GRID2: variants seen among roughly 807,000 people sequenced by gnomAD.
GRID2 encodes the protein glutamate ionotropic receptor delta type subunit 2, also known as glutamate receptor ionotropic, delta-2.
GRID2 carries 33 observed loss-of-function variants against 114.8 expected under a neutral mutation model. The ratio of observed to expected loss-of-function variants is 0.29; its 90% CI spans 0.22 to 0.38. The LOEUF is 0.38. Ranked by LOEUF, GRID2 falls within the 10% of genes least tolerant of loss-of-function variation. The pLI, the probability that GRID2 is intolerant of heterozygous loss-of-function variation, is 1.00. For synonymous variants in GRID2, 505 were observed against 449.9 expected (o/e 1.12, Z -1.55); for missense variants, 1,184 against 1,257.7 (o/e 0.94, Z 0.89).
intron 1 of GRID2, among the ~76,000 whole-genome samples, chr4:92,308,345 A>G (rs1579154551): frequency 6.6e-6 from 1 of 152,312 alleles, no homozygotes; most frequent in East Asian, 1.9e-4. Flanking sequence ...CATCTCTACA[A>G]GGGAACACTC....
rs542793043 is a variant in GRID2 at position 92,723,173 on chromosome 4, T to A, written c.244+132887T>A. ...AGGAAAGCTTAGTGGACAACCACATTGTTGTAATTATTTTAGAAACATGGC... is the reference window on the plus strand; with the variant it reads ...AGGAAAGCTTAGTGGACAACCACATAGTTGTAATTATTTTAGAAACATGGC... On this transcript the variant is annotated intron_variant, in intron 2 of 15. Transcript: ENST00000282020. 2.6e-5 allele frequency among the ~76,000 whole-genome samples: 4 copies of A among 152,242 alleles called. No homozygotes were observed. The South Asian group carries it at 8.3e-4, about 32-fold the overall frequency.
intron 1 of GRID2, among the ~76,000 whole-genome samples, chr4:92,479,847 A>C (rs181621648): frequency 1.5e-4 from 23 of 152,248 alleles, no homozygotes; most frequent in Non-Finnish European, 2.6e-4. Flanking sequence ...TGGACTTTGG[A>C]GAAAATAGAG....
At chr4:93,651,892 A>G (rs984665511) in intron 14 of GRID2, among the ~76,000 whole-genome samples, 1 of 152,140 alleles carries the variant, frequency 6.6e-6, no homozygotes, top group South Asian at 2.1e-4. Context: ...TGCTCTCTAG[A>G]AGGAAAGGTG....
At chr4:93,574,883 TAA>T (rs1560769211) in intron 13 of GRID2, among the ~76,000 whole-genome samples, 1 of 152,212 alleles carries the variant, frequency 6.6e-6, no homozygotes, top group Admixed American at 6.5e-5. Context: ...CTCAACTCTA[TAA>T]AGTCTAGGAT....
At chr4:92,384,476 ATATT>A (rs1287360688) in intron 1 of GRID2, among the ~76,000 whole-genome samples, 27 of 59,616 alleles carry the variant, frequency 4.5e-4, no homozygotes, top group African/African-American at 1.1e-3. Flanking sequence ...ATATATATAT[ATATT>A]ATTTATATAT....
At chr4:93,587,728 A>G (rs540001054) in intron 13 of GRID2, among the ~76,000 whole-genome samples, 6 of 152,140 alleles carry the variant, frequency 3.9e-5, no homozygotes, top group Non-Finnish European at 7.4e-5. Flanking sequence ...GGTAAAGAAA[A>G]TTTATTATAT....
intron 2 of GRID2, among the ~76,000 whole-genome samples, chr4:93,065,931 T>C (rs912890019): frequency 1.3e-5 from 2 of 151,970 alleles, no homozygotes; most frequent in Non-Finnish European, 2.9e-5. Flanking sequence ...GTGTTCACTA[T>C]GTATCAGTCA....
intron 4 of GRID2, among the ~76,000 whole-genome samples, chr4:93,160,582 T>C (rs2149407033): frequency 6.6e-6 from 1 of 151,868 alleles, no homozygotes; most frequent in Admixed American, 6.6e-5. Flanking sequence ...TCCCCTCTCC[T>C]CTGCGAAATC....
intron 2 of GRID2, among the ~76,000 whole-genome samples, chr4:92,952,364 T>C (rs1752100080): frequency 6.6e-6 from 1 of 152,248 alleles, no homozygotes; most frequent in South Asian, 2.1e-4. Context: ...CCTTTATTCA[T>C]TGAGGATAAT....
intron 2 of GRID2, among the ~76,000 whole-genome samples, chr4:92,655,817 C>G (rs1411778437): frequency 1.3e-5 from 2 of 151,798 alleles, no homozygotes; most frequent in Middle Eastern, 3.2e-3. Flanking sequence ...TTGACTCCCT[C>G]TTTTCCAGTT....
chr4:93,351,695 T>C (rs1406425074), intron 8 of GRID2, among the ~76,000 whole-genome samples: 1 of 152,066 alleles, frequency 6.6e-6, no homozygotes, highest in Admixed American at 6.6e-5. Flanking sequence ...ATTTGCATTA[T>C]TTTATTTAGT....
chr4:93,758,608 T>C (rs565380969), intron 14 of GRID2, among the ~76,000 whole-genome samples: 1 of 152,344 alleles, frequency 6.6e-6, no homozygotes, highest in South Asian at 2.1e-4. Context: ...TAAGAGTATG[T>C]CAAAGCTGCA....
At chr4:92,660,972 C>A (rs1267282410) in intron 2 of GRID2, among the ~76,000 whole-genome samples, 1 of 150,850 alleles carries the variant, frequency 6.6e-6, no homozygotes, top group African/African-American at 2.4e-5. Flanking sequence ...TTGGAGGCTA[C>A]TAATTATTTT....
At chr4:92,482,615 A>G (rs1722669582) in intron 1 of GRID2, among the ~76,000 whole-genome samples, 1 of 152,160 alleles carries the variant, frequency 6.6e-6, no homozygotes, top group Non-Finnish European at 1.5e-5. Flanking sequence ...TACTTTTTTT[A>G]AGACGAGATT....
At chr4:92,415,245 T>C (rs1184377482) in intron 1 of GRID2, among the ~76,000 whole-genome samples, 3 of 152,140 alleles carry the variant, frequency 2.0e-5, no homozygotes, top group East Asian at 1.9e-4. Flanking sequence ...AGATTACTTT[T>C]ATATGTATTA....
intron 11 of GRID2, among the ~76,000 whole-genome samples, chr4:93,456,353 T>A (rs1336388773): frequency 6.6e-6 from 1 of 152,224 alleles, no homozygotes. Flanking sequence ...TTTACATATG[T>A]AAGAAATGTT....
chr4:93,257,391 T>C (rs1175623566), intron 8 of GRID2, among the ~76,000 whole-genome samples: 1 of 151,726 alleles, frequency 6.6e-6, no homozygotes, highest in Non-Finnish European at 1.5e-5. Flanking sequence ...TAAGATACCA[T>C]TCAGTAGAAA....
chr4:92,468,696 A>G (rs755274116), intron 1 of GRID2, among the ~76,000 whole-genome samples: 2 of 152,034 alleles, frequency 1.3e-5, no homozygotes, highest in Non-Finnish European at 2.9e-5. Context: ...TTTACTTTCT[A>G]GAAGTTTTAT....
At chr4:92,881,334 G>T (rs1745995568) in intron 2 of GRID2, among the ~76,000 whole-genome samples, 1 of 152,052 alleles carries the variant, frequency 6.6e-6, no homozygotes, top group South Asian at 2.1e-4. Context: ...CTTTCATGAT[G>T]CCATCTTCAC....
Sources: allele counts gnomAD v4.1 joint callset (sites outside exome capture counted in the v4.1 genomes callset), GRCh38; gene constraint gnomAD v4.1.1; transcripts MANE v1.5; gene names NCBI Gene and HGNC (gene_info 2026-07-23, HGNC 2026-07-21).